Variants in TANGO2 observed in about 807,000 individuals in gnomAD.
TANGO2 encodes the protein transport and Golgi organization protein 2 homolog.
In TANGO2, 26 loss-of-function variants were observed where a neutral mutation model predicts 39.1. The ratio of observed to expected loss-of-function variants is 0.67; its 90% CI spans 0.49 to 0.92. TANGO2 has a LOEUF of 0.92. Among genes scored for constraint, TANGO2 ranks in the 40% least tolerant of loss-of-function variants. TANGO2 has a pLI of 0.00. For missense variants in TANGO2, 326 were observed against 360.1 expected (o/e 0.91, Z 0.77); for synonymous variants, 131 against 144.5 (o/e 0.91, Z 0.67).
chr22:20,054,049 C>G, intron 5 of TANGO2: 2 of 292,658 alleles, frequency 6.8e-6, no homozygotes, highest in Non-Finnish European at 1.3e-5. Flanking sequence ...GCTGTTAGTC[C>G]GGGGCCTTCT....
chr22:20,052,612 G>A, intron 4 of TANGO2, 28 bp downstream of exon 4: 1 of 1,536,744 alleles, frequency 6.5e-7, no homozygotes, highest in Non-Finnish European at 8.8e-7. Context: ...GGGCCAAGGT[G>A]AGACAGGGTG....
intron 2 of TANGO2, among the ~76,000 whole-genome samples, chr22:20,038,209 C>G (rs1344827669): frequency 6.6e-6 from 1 of 152,220 alleles, no homozygotes; most frequent in Non-Finnish European, 1.5e-5. Flanking sequence ...CGTCTGCATA[C>G]CGAGAAGACC....
rs145876553 is a variant in TANGO2 at position 20,055,959 on chromosome 22, G to A, written c.397G>A (p.Val133Ile). The stretch of plus-strand genomic sequence containing the variant: ...GGCCTGCAGCACAGCAAAGGGAGAC[G>A]TCATTTGCTACTATGGGAACCGAGG... ...AADLSTAKGD[V>I]ICYYGNRGEP... The change falls in exon 6 of 9, where the codon GTC (valine) becomes ATC (isoleucine). Residue 133 changes from valine to isoleucine, a missense_variant. Val to Ile is a conservative substitution (Grantham distance 29, BLOSUM62 3). Coordinates refer to ENST00000327374, the MANE Select transcript of TANGO2 (RefSeq NM_152906.7). The A allele has an allele frequency of 4.2e-5, 68 of 1,613,936 alleles. No homozygotes were observed. In the Middle Eastern group the frequency reaches 4.9e-4, roughly 12 times the overall value.
chr22:20,026,533 A>G (rs1465784222), intron 1 of TANGO2, among the ~76,000 whole-genome samples: 4 of 152,258 alleles, frequency 2.6e-5, no homozygotes, highest in African/African-American at 9.6e-5. Flanking sequence ...GGAAAATCCC[A>G]TGTAATATAA....
At position 20,064,778 on chromosome 22, in the gene TANGO2, C is replaced by T. The variant is rs538409576; in HGVS notation, c.*116C>T. On this transcript the variant is annotated 3_prime_UTR_variant, in exon 9 of 9. Transcript: ENST00000327374. ...GCACTGCCCGTGGCTTGGCCAGCATCCCCCGGATCAGGGCCCTGTGGTTTG... is the reference window on the plus strand; with the variant it reads ...GCACTGCCCGTGGCTTGGCCAGCATTCCCCGGATCAGGGCCCTGTGGTTTG... The T allele has an allele frequency of 7.2e-5, 98 of 1,352,304 alleles. No homozygotes were observed. The African/African-American group carries it at 1.4e-3, about 19-fold the overall frequency. 83.8% of individuals were successfully genotyped at this position (1,352,304 alleles called of 1,614,324 possible).
intron 1 of TANGO2, among the ~76,000 whole-genome samples, chr22:20,022,800 G>T (rs2039970363): frequency 2.0e-5 from 3 of 152,250 alleles, no homozygotes; most frequent in Admixed American, 2.0e-4. Flanking sequence ...CCCAGAAGGG[G>T]TCTGGAGAGA....
chr22:20,053,592 G>A (rs1161399493), intron 5 of TANGO2, 41 bp downstream of exon 5: 8 of 1,349,712 alleles, frequency 5.9e-6, no homozygotes, highest in Non-Finnish European at 8.5e-6. Context: ...GCCCAGCACT[G>A]CCTCGGGGGC....
intron 3 of TANGO2, among the ~76,000 whole-genome samples, chr22:20,044,335 C>G (rs558014536): frequency 7.9e-5 from 12 of 152,118 alleles, no homozygotes; most frequent in African/African-American, 2.9e-4. Context: ...CCAGTCTGGG[C>G]AACATGGTAA....
At chr22:20,040,231 A>G (rs576527858) in intron 2 of TANGO2, among the ~76,000 whole-genome samples, 5 of 152,362 alleles carry the variant, frequency 3.3e-5, no homozygotes, top group Admixed American at 2.0e-4. Context: ...TAACCTGGCA[A>G]TTAATGTTCC....
In TANGO2 at chr22:20,064,847, T is replaced by C; in HGVS notation, c.*185T>C. The C allele has an allele frequency of 2.8e-6, 2 of 719,830 alleles. No individual in the cohort carries two copies. Among genetic ancestry groups the C allele is most frequent in the Non-Finnish European group, 2.2e-6 (1 of 451,232 alleles). The allele number at this position is 719,830 out of a possible 1,614,324, so 44.6% of individuals were successfully genotyped here. A position where few individuals can be genotyped will look rare whatever the true frequency, so the allele number is the denominator to read the frequency against. ...CCCCATGCCCAGTTCAGGGTCTGCCTTTATGCCAGTGAGGAGCAGCAGAGT... is the reference window on the plus strand; with the variant it reads ...CCCCATGCCCAGTTCAGGGTCTGCCCTTATGCCAGTGAGGAGCAGCAGAGT... On this transcript the variant is annotated 3_prime_UTR_variant, in exon 9 of 9. Coordinates refer to ENST00000327374, the MANE Select transcript of TANGO2 (RefSeq NM_152906.7).
chr22:20,033,237 C>T (rs756926067), intron 1 of TANGO2: 5 of 528,370 alleles, frequency 9.5e-6, no homozygotes, highest in South Asian at 2.8e-5. Context: ...GCGTCTTCGT[C>T]GAGGCCACAG....
chr22:20,017,550 A>G (rs1272190999), upstream of TANGO2, among the ~76,000 whole-genome samples: 1 of 152,038 alleles, frequency 6.6e-6, no homozygotes, highest in Non-Finnish European at 1.5e-5. Flanking sequence ...CAGGCCCCCC[A>G]TGGGGCCGCC....
chr22:20,061,929 G>GCA, intron 7 of TANGO2: 1 of 510,238 alleles, frequency 2.0e-6, no homozygotes, highest in Non-Finnish European at 3.4e-6. Context: ...GAGGCTCAGT[G>GCA]CACCCAGAGG....
At chr22:20,018,318 C>T (rs1945349458), upstream of TANGO2, among the ~76,000 whole-genome samples, 2 of 152,238 alleles carry the variant, frequency 1.3e-5, no homozygotes, top group South Asian at 4.1e-4. Context: ...AATAGGGGCC[C>T]TCACAAACCA....
intron 1 of TANGO2, among the ~76,000 whole-genome samples, chr22:20,023,615 G>A (rs184964566): frequency 1.3e-5 from 2 of 152,250 alleles, no homozygotes; most frequent in African/African-American, 4.8e-5. Flanking sequence ...AGCAGTTTGG[G>A]AGGCCGAGGC....
At chr22:20,041,362 G>C (rs2043896752) in intron 2 of TANGO2, among the ~76,000 whole-genome samples, 1 of 149,472 alleles carries the variant, frequency 6.7e-6, no homozygotes, top group African/African-American at 2.5e-5. Flanking sequence ...ACTCAGGCTG[G>C]AGTACAGTAG....
rs554607237 is a variant in TANGO2 at position 20,063,678 on chromosome 22, G to A, written c.710+236G>A. On this transcript the variant is annotated intron_variant, in intron 8 of 8. Coordinates refer to ENST00000327374, the MANE Select transcript of TANGO2 (RefSeq NM_152906.7). Reference sequence around the variant, plus strand: ...TACACAGCCACACAGGGCCAGGATGGCTTCAGGGCTGCCTGCACATTGGTG... The same window carrying A: ...TACACAGCCACACAGGGCCAGGATGACTTCAGGGCTGCCTGCACATTGGTG... 9.3e-5 allele frequency: 42 copies of A among 449,646 alleles called. No homozygotes were observed. In the South Asian group the frequency reaches 1.8e-3, roughly 19 times the overall value. 27.9% of individuals were successfully genotyped at this position (449,646 alleles called of 1,614,324 possible). A position where few individuals can be genotyped will look rare whatever the true frequency, so the allele number is the denominator to read the frequency against.
upstream of TANGO2, among the ~76,000 whole-genome samples, chr22:20,020,087 A>G (rs1419172395): frequency 6.6e-6 from 1 of 152,224 alleles, no homozygotes; most frequent in Non-Finnish European, 1.5e-5. Context: ...TCTTCAACAC[A>G]GGTTGAAGCT....
At chr22:20,052,610 G>T in intron 4 of TANGO2, 26 bp downstream of exon 4, 1 of 1,544,302 alleles carries the variant, frequency 6.5e-7, no homozygotes, top group South Asian at 1.2e-5. Flanking sequence ...TGGGGCCAAG[G>T]TGAGACAGGG....
Sources: gnomAD v4.1 joint callset for allele counts (sites outside exome capture counted in the v4.1 genomes callset) on GRCh38, gnomAD v4.1.1 for gene constraint, MANE v1.5 for transcripts, NCBI Gene and HGNC (gene_info 2026-07-23, HGNC 2026-07-21) for gene names.